The following FRYL variants were observed in gnomAD, a reference collection of about 807,000 sequenced individuals.
FRYL encodes the protein protein furry homolog-like.
In FRYL, 150 loss-of-function variants were observed where a neutral mutation model predicts 351.2. That is an observed-to-expected ratio of 0.43 (90% CI 0.37 to 0.49). FRYL has a LOEUF of 0.49. Among genes scored for constraint, FRYL ranks in the 20% least tolerant of loss-of-function variants. The probability of loss-of-function intolerance (pLI) is 0.00; values close to 1 mark genes in which losing one functional copy is unlikely to be tolerated. For synonymous variants in FRYL, 1,153 were observed against 1,257.1 expected, an observed-to-expected ratio of 0.92 and a Z score of 1.75; for missense variants, 3,036 against 3,619.3, an observed-to-expected ratio of 0.84 and a Z score of 4.13.
At position 48,634,504 on chromosome 4, in the gene FRYL, A is replaced by G; in HGVS notation, c.-80-14T>C. 6.3e-7 allele frequency: 1 copy of G among 1,599,336 alleles called. No homozygotes were observed. Among genetic ancestry groups the G allele is most frequent in the Non-Finnish European group, 8.5e-7 (1 of 1,170,748 alleles). On this transcript the variant is annotated splice_polypyrimidine_tract_variant and intron_variant, in intron 3 of 63. Coordinates refer to ENST00000358350, the MANE Select transcript of FRYL (RefSeq NM_015030.2). ...CTGGCGCTGAAGCTAAAAGTAAAAGAAACAAAAGAACTCTACTTTAATAAA... is the reference window on the plus strand; with the variant it reads ...CTGGCGCTGAAGCTAAAAGTAAAAGGAACAAAAGAACTCTACTTTAATAAA...
intron 1 of FRYL, among the ~76,000 whole-genome samples, chr4:48,741,325 C>T (rs757354202): frequency 3.3e-5 from 5 of 152,090 alleles, no homozygotes; most frequent in African/African-American, 4.8e-5. Flanking sequence ...AGGCGGATCA[C>T]GAAATCAGAT....
At chr4:48,740,083 G>T (rs1210743693) in intron 1 of FRYL, among the ~76,000 whole-genome samples, 1 of 151,958 alleles carries the variant, frequency 6.6e-6, no homozygotes, top group Admixed American at 6.6e-5. Context: ...CCTAGTTTCA[G>T]GTAATTTGTT....
At chr4:48,745,827 G>C (rs911664026) in intron 1 of FRYL, among the ~76,000 whole-genome samples, 34 of 152,036 alleles carry the variant, frequency 2.2e-4, no homozygotes, top group Non-Finnish European at 4.7e-4. Context: ...TAATTATCTA[G>C]GTGAGAAATT....
At chr4:48,594,163 G>A in intron 15 of FRYL, 147 bp from the exon 16 acceptor site, 1 of 433,932 alleles carries the variant, frequency 2.3e-6, no homozygotes, top group Non-Finnish European at 4.1e-6. Flanking sequence ...TATGAATTAA[G>A]GTCAAAATAC....
intron 1 of FRYL, among the ~76,000 whole-genome samples, chr4:48,722,899 A>G (rs1374406134): frequency 6.6e-6 from 1 of 152,218 alleles, no homozygotes; most frequent in Non-Finnish European, 1.5e-5. Flanking sequence ...CTCACTGAGG[A>G]CAGTGGAGTA....
intron 3 of FRYL, among the ~76,000 whole-genome samples, chr4:48,660,242 G>A (rs1404951019): frequency 6.6e-6 from 1 of 152,140 alleles, no homozygotes; most frequent in Non-Finnish European, 1.5e-5. Context: ...ATAAATGAAT[G>A]ACTGAAGAAG....
chr4:48,743,726 A>G lies in FRYL; in HGVS notation c.-383-33028T>C, dbSNP rs868493421. On this transcript the variant is annotated intron_variant, in intron 1 of 63. Coordinates refer to ENST00000358350, the MANE Select transcript of FRYL (RefSeq NM_015030.2). ...ACTTAAATCAGTAGACTCTGAGTAA[A>G]GCAGATTACTCTCCAAAAGGGTGGG... 3.9e-5 allele frequency among the ~76,000 whole-genome samples: 6 copies of G among 152,342 alleles called. No homozygotes were observed. The South Asian group carries it at 1.0e-3, about 26-fold the overall frequency.
intron 4 of FRYL, among the ~76,000 whole-genome samples, chr4:48,627,675 T>C (rs1455032886): frequency 6.6e-6 from 1 of 152,188 alleles, no homozygotes; most frequent in Non-Finnish European, 1.5e-5. Flanking sequence ...TATACTACAC[T>C]AAATATAAAT....
chr4:48,624,165 T>C (rs1407554448), intron 4 of FRYL, among the ~76,000 whole-genome samples: 1 of 152,190 alleles, frequency 6.6e-6, no homozygotes, highest in Non-Finnish European at 1.5e-5. Flanking sequence ...TTAACTGATA[T>C]CAGGAGAGGG....
rs148099439 is a variant in FRYL, at chr4:48,544,531, C to T, written c.5401+252G>A. 1.4e-4 allele frequency among the ~76,000 whole-genome samples: 22 copies of T among 152,116 alleles called. No individual in the cohort carries two copies. In the East Asian group the frequency reaches 3.1e-3, roughly 21 times the overall value. ...CCGTTTAATGTATTTTTTCATAATA[C>T]GCAATTGTATTGTAATTTTATGATG... is the stretch of plus-strand genomic sequence containing the variant. On this transcript the variant is annotated intron_variant, in intron 43 of 63. Coordinates refer to ENST00000358350, the MANE Select transcript of FRYL (RefSeq NM_015030.2).
chr4:48,621,247 T>C (rs1022456843), intron 5 of FRYL, among the ~76,000 whole-genome samples: 6 of 152,226 alleles, frequency 3.9e-5, no homozygotes, highest in Middle Eastern at 6.3e-3. Flanking sequence ...CAATTTACTA[T>C]GCTATGACAA....
chr4:48,573,596 C>T (rs1169758585), intron 25 of FRYL, among the ~76,000 whole-genome samples: 1 of 152,182 alleles, frequency 6.6e-6, no homozygotes, highest in Non-Finnish European at 1.5e-5. Flanking sequence ...GTTGCCCAGG[C>T]TGGAGTGCAA....
intron 60 of FRYL, among the ~76,000 whole-genome samples, chr4:48,503,972 A>G (rs1720325228): frequency 6.6e-6 from 1 of 152,186 alleles, no homozygotes; most frequent in Admixed American, 6.5e-5. Context: ...GCATATATGT[A>G]TAGCCTCTAC....
intron 33 of FRYL, among the ~76,000 whole-genome samples, chr4:48,559,339 C>A (rs1734862051): frequency 6.6e-6 from 1 of 150,836 alleles, no homozygotes; most frequent in Non-Finnish European, 1.5e-5. Context: ...GTTTGACTTC[C>A]TGGAGGGAGA....
At chr4:48,752,648 G>T (rs1773366799) in intron 1 of FRYL, among the ~76,000 whole-genome samples, 1 of 152,098 alleles carries the variant, frequency 6.6e-6, no homozygotes, top group Admixed American at 6.5e-5. Flanking sequence ...AAAAACTCTA[G>T]ATATACATCC....
chr4:48,699,950 G>A (rs576326771), intron 2 of FRYL, among the ~76,000 whole-genome samples: 39 of 152,156 alleles, frequency 2.6e-4, no homozygotes, highest in African/African-American at 7.0e-4. Context: ...ATATTTATTA[G>A]AGTAAAGCAA....
At chr4:48,678,949 A>G (rs1378969040) in intron 3 of FRYL, among the ~76,000 whole-genome samples, 2 of 151,988 alleles carry the variant, frequency 1.3e-5, no homozygotes, top group Non-Finnish European at 2.9e-5. Flanking sequence ...GATAGTCTTT[A>G]AAAAAAAGAA....
At chr4:48,552,482 A>C (rs1342562343) in intron 36 of FRYL, among the ~76,000 whole-genome samples, 2 of 152,166 alleles carry the variant, frequency 1.3e-5, no homozygotes, top group Non-Finnish European at 2.9e-5. Context: ...ACAGATCTAG[A>C]ATTGGTAGGC....
chr4:48,777,614 T>A (rs1303704693), intron 1 of FRYL, among the ~76,000 whole-genome samples: 1 of 152,246 alleles, frequency 6.6e-6, no homozygotes, highest in Admixed American at 6.5e-5. Flanking sequence ...AAAGTCTTTT[T>A]CAGGAAATAC....
Sources: allele counts gnomAD v4.1 joint callset (sites outside exome capture counted in the v4.1 genomes callset), GRCh38; gene constraint gnomAD v4.1.1; transcripts MANE v1.5; gene names NCBI Gene and HGNC (gene_info 2026-07-23, HGNC 2026-07-21).